The following NRXN3 variants were observed in gnomAD, a reference collection of about 807,000 sequenced individuals.
NRXN3 encodes neurexin 3, also known as neurexin III.
Under a neutral mutation model 137.6 loss-of-function variants are expected in NRXN3, and 32 were observed. The observed-to-expected ratio is 0.23, with a 90% CI of 0.18 to 0.31. NRXN3 has a LOEUF of 0.31. Ranked by LOEUF, NRXN3 falls within the 10% of genes least tolerant of loss-of-function variation. The pLI is 1.00. For synonymous variants in NRXN3, 798 were observed against 784.5 expected (o/e 1.02, Z -0.29); for missense variants, 1,574 against 2,062.5 (o/e 0.76, Z 4.59).
chr14:79,467,485 T>A, intron 16 of NRXN3, 83 bp downstream of exon 16: 1 of 1,225,222 alleles, frequency 8.2e-7, no homozygotes, highest in Non-Finnish European at 1.1e-6. Context: ...CAGAACATTC[T>A]AGATCAATAT....
chr14:78,593,673 G>C (rs1362843424), intron 4 of NRXN3, among the ~76,000 whole-genome samples: 2 of 152,128 alleles, frequency 1.3e-5, no homozygotes, highest in East Asian at 3.9e-4. Flanking sequence ...ATTTAGTCTT[G>C]GGTGGGAGAG....
intron 1 of NRXN3, among the ~76,000 whole-genome samples, chr14:78,201,766 C>T (rs755576358): frequency 2.6e-5 from 4 of 152,192 alleles, no homozygotes; most frequent in Admixed American, 6.5e-5. Flanking sequence ...CTCACCACCA[C>T]GGGCTGGTGA....
chr14:79,791,173 A>G (rs2099144044), intron 19 of NRXN3: 1 of 152,078 alleles, frequency 6.6e-6, no homozygotes, highest in Admixed American at 6.5e-5. Flanking sequence ...GCTGATACCC[A>G]AGTCCCACCC....
At chr14:79,120,667 T>C (rs1348497996) in intron 15 of NRXN3, among the ~76,000 whole-genome samples, 1 of 152,164 alleles carries the variant, frequency 6.6e-6, no homozygotes, top group Non-Finnish European at 1.5e-5. Context: ...CTATCCTTTT[T>C]AAATTTTTTA....
At chr14:78,825,768 A>G (rs2152375253) in intron 10 of NRXN3, among the ~76,000 whole-genome samples, 1 of 152,368 alleles carries the variant, frequency 6.6e-6, no homozygotes, top group South Asian at 2.1e-4. Flanking sequence ...AATGTACCCA[A>G]GATAATTTCT....
At chr14:78,499,860 TGAGAGAGAGAGG>T (rs914143983) in intron 4 of NRXN3, among the ~76,000 whole-genome samples, 2 of 151,904 alleles carry the variant, frequency 1.3e-5, no homozygotes, top group East Asian at 3.9e-4. Flanking sequence ...ACCAAAGTCA[TGAGAGAGAGAGG>T]GAGAGAGAGA....
At chr14:79,772,725 T>G (rs1376266819) in intron 19 of NRXN3, among the ~76,000 whole-genome samples, 1 of 152,044 alleles carries the variant, frequency 6.6e-6, no homozygotes, top group Non-Finnish European at 1.5e-5. Context: ...GGGCAAGGAC[T>G]TCATGTCTAA....
chr14:79,285,409 T>C (rs900329100), intron 15 of NRXN3, among the ~76,000 whole-genome samples: 2 of 152,252 alleles, frequency 1.3e-5, no homozygotes, highest in South Asian at 2.1e-4. Flanking sequence ...TTACTCATAC[T>C]TTCCTCCTTG....
intron 4 of NRXN3, among the ~76,000 whole-genome samples, chr14:78,568,961 GTTTTTTTTTT>G (rs34485878): frequency 4.8e-5 from 5 of 103,740 alleles, no homozygotes; most frequent in East Asian, 5.9e-4. Context: ...GACTTTGCAG[GTTTTTTTTTT>G]TTTTTTTTTT....
chr14:79,242,244 T>C (rs185991296), intron 15 of NRXN3, among the ~76,000 whole-genome samples: 2 of 152,102 alleles, frequency 1.3e-5, no homozygotes, highest in Non-Finnish European at 2.9e-5. Flanking sequence ...CTTAGCTTTT[T>C]GGGATTCTAT....
intron 15 of NRXN3, among the ~76,000 whole-genome samples, chr14:79,205,687 A>G (rs1267583422): frequency 6.6e-6 from 1 of 152,218 alleles, no homozygotes; most frequent in Admixed American, 6.5e-5. Context: ...TACACACTCT[A>G]TCAAGTCAGA....
At chr14:78,321,468 A>G (rs1457213640) in intron 4 of NRXN3, among the ~76,000 whole-genome samples, 1 of 151,998 alleles carries the variant, frequency 6.6e-6, no homozygotes, top group Non-Finnish European at 1.5e-5. Flanking sequence ...ATACTCTTGT[A>G]TGTGTATACC....
At chr14:78,750,291 C>T (rs998451708) in intron 8 of NRXN3, among the ~76,000 whole-genome samples, 6 of 152,250 alleles carry the variant, frequency 3.9e-5, no homozygotes, top group East Asian at 3.9e-4. Flanking sequence ...CAGATATAGT[C>T]GATATATCCT....
intron 20 of NRXN3, among the ~76,000 whole-genome samples, chr14:79,838,690 C>T (rs955983159): frequency 1.1e-4 from 17 of 152,166 alleles, no homozygotes; most frequent in African/African-American, 4.1e-4. Context: ...GCCTTTCTCA[C>T]TTTGTGATAC....
chr14:78,686,685 A>G (rs926624229), intron 6 of NRXN3, among the ~76,000 whole-genome samples: 3 of 152,220 alleles, frequency 2.0e-5, no homozygotes, highest in Admixed American at 1.3e-4. Flanking sequence ...ATGAGTAAAA[A>G]TATATATGAA....
At chr14:79,322,455 T>C in intron 15 of NRXN3, among the ~76,000 whole-genome samples, 1 of 152,310 alleles carries the variant, frequency 6.6e-6, no homozygotes, top group East Asian at 1.9e-4. Context: ...CCAGATTTCT[T>C]GAAGACCTCC....
At chr14:79,470,934 G>GAA (rs1172513503) in intron 16 of NRXN3, among the ~76,000 whole-genome samples, 3,737 of 94,410 alleles carry the variant, frequency 0.04, 190 homozygotes, top group African/African-American at 0.13. Context: ...GAGAGAGAGA[G>GAA]AGAGAAAGAG....
At chr14:78,376,094 A>T (rs1486939590) in intron 4 of NRXN3, among the ~76,000 whole-genome samples, 3 of 152,122 alleles carry the variant, frequency 2.0e-5, no homozygotes, top group Non-Finnish European at 4.4e-5. Context: ...GATTTGTGAT[A>T]CAGCACTGAA....
At chr14:79,113,140 C>A (rs937795245) in intron 15 of NRXN3, among the ~76,000 whole-genome samples, 1 of 152,150 alleles carries the variant, frequency 6.6e-6, no homozygotes, top group Non-Finnish European at 1.5e-5. Flanking sequence ...CAGCACTCCC[C>A]TTCCAATTGT....
Sources: gnomAD v4.1 joint callset for allele counts (sites outside exome capture counted in the v4.1 genomes callset) on GRCh38, gnomAD v4.1.1 for gene constraint, MANE v1.5 for transcripts, NCBI Gene and HGNC (gene_info 2026-07-23, HGNC 2026-07-21) for gene names.